The following NTNG1 variants were observed in gnomAD, a reference collection of about 807,000 sequenced individuals.
The protein encoded by NTNG1 is netrin G1, also known as netrin-G1.
NTNG1 carries 16 observed loss-of-function variants against 54.0 expected under a neutral mutation model. The observed-to-expected ratio is 0.30, with a 90% CI of 0.20 to 0.45. The LOEUF is 0.45. NTNG1 is among the 20% of genes least tolerant of loss of function. The probability of loss-of-function intolerance (pLI) is 1.00; values close to 1 mark genes in which losing one functional copy is unlikely to be tolerated. For missense variants in NTNG1, 530 were observed against 678.7 expected (o/e 0.78, Z 2.43); for synonymous variants, 255 against 263.1 (o/e 0.97, Z 0.30).
intron 3 of NTNG1, among the ~76,000 whole-genome samples, chr1:107,329,231 TC>T (rs1188960724): frequency 6.6e-6 from 1 of 152,134 alleles, no homozygotes; most frequent in African/African-American, 2.4e-5. Context: ...CTGCCCCTGC[TC>T]AGAATCACAC....
rs1269979587 is a variant in NTNG1 at position 107,149,747 on chromosome 1, G to T, written c.246+908G>T. 3.9e-5 allele frequency among the ~76,000 whole-genome samples: 6 copies of T among 152,106 alleles called. No individual in the cohort carries two copies. In the East Asian group the frequency reaches 1.2e-3, roughly 29 times the overall value. ...ATACATTAATGTGCTAAAGAGTTCA[G>T]ATGGTGAGTTCATTTGGTTTTTTTT... On this transcript the variant is annotated intron_variant, in intron 2 of 7. Transcript: ENST00000370068.
chr1:107,339,727 C>T (rs1329335172), intron 3 of NTNG1, among the ~76,000 whole-genome samples: 1 of 152,048 alleles, frequency 6.6e-6, no homozygotes, highest in African/African-American at 2.4e-5. Context: ...GAATTCTTAT[C>T]CCAGAACTGT....
At chr1:107,385,732 T>C (rs1053648344) in intron 3 of NTNG1, among the ~76,000 whole-genome samples, 2 of 152,120 alleles carry the variant, frequency 1.3e-5, no homozygotes, top group African/African-American at 4.8e-5. Flanking sequence ...TTAAGGAACT[T>C]GCCTAAAACT....
chr1:107,379,215 C>T (rs1484754996), intron 3 of NTNG1, among the ~76,000 whole-genome samples: 1 of 152,162 alleles, frequency 6.6e-6, no homozygotes, highest in Non-Finnish European at 1.5e-5. Flanking sequence ...AGGGAAACCT[C>T]AAGGTCTGGA....
At chr1:107,144,107 A>C (rs2100997531) in intron 1 of NTNG1, among the ~76,000 whole-genome samples, 2 of 152,248 alleles carry the variant, frequency 1.3e-5, no homozygotes, top group East Asian at 3.9e-4. Flanking sequence ...GTTGACTAGA[A>C]AATGCTTTCT....
intron 2 of NTNG1, among the ~76,000 whole-genome samples, chr1:107,164,996 G>C (rs1373269672): frequency 1.3e-5 from 2 of 152,094 alleles, no homozygotes; most frequent in Non-Finnish European, 2.9e-5. Context: ...ATTTTAAAGA[G>C]AGCAGGGATA....
intron 5 of NTNG1, among the ~76,000 whole-genome samples, chr1:107,425,135 C>T (rs1225751673): frequency 6.6e-6 from 1 of 151,762 alleles, no homozygotes; most frequent in Admixed American, 6.6e-5. Flanking sequence ...TGGAGAAAAA[C>T]TAGCCACATT....
chr1:107,147,175 C>T (rs1654185333), intron 1 of NTNG1, among the ~76,000 whole-genome samples: 1 of 152,042 alleles, frequency 6.6e-6, no homozygotes, highest in African/African-American at 2.4e-5. Context: ...ATCAGTTAAT[C>T]AAAAGTACTT....
intron 2 of NTNG1, among the ~76,000 whole-genome samples, chr1:107,161,666 AAAAAAAAG>A (rs1482786232): frequency 4.0e-5 from 6 of 151,886 alleles, no homozygotes; most frequent in Admixed American, 2.0e-4. Context: ...GTCTCAAAAA[AAAAAAAAG>A]AAAAAAAGAA....
chr1:107,362,028 C>T (rs766737167), intron 3 of NTNG1, among the ~76,000 whole-genome samples: 21 of 152,100 alleles, frequency 1.4e-4, no homozygotes, highest in African/African-American at 3.4e-4. Flanking sequence ...TTGCAGAAAG[C>T]GTGAAGCTCA....
chr1:107,255,992 T>C (rs1662908039), intron 2 of NTNG1, among the ~76,000 whole-genome samples: 2 of 152,232 alleles, frequency 1.3e-5, no homozygotes, highest in South Asian at 4.1e-4. Flanking sequence ...TCATAAGCTA[T>C]TGTCTTAATT....
chr1:107,152,579 A>T (rs1312293638), intron 2 of NTNG1, among the ~76,000 whole-genome samples: 1 of 152,210 alleles, frequency 6.6e-6, no homozygotes, highest in Non-Finnish European at 1.5e-5. Flanking sequence ...AGACGGAAGA[A>T]CTCATGTGTG....
chr1:107,195,889 G>C (rs1658281325), intron 2 of NTNG1, among the ~76,000 whole-genome samples: 1 of 151,958 alleles, frequency 6.6e-6, no homozygotes, highest in East Asian at 1.9e-4. Flanking sequence ...TTCTCACCCT[G>C]TGCCCACACC....
chr1:107,439,999 C>A (rs1294604443), intron 7 of NTNG1, among the ~76,000 whole-genome samples: 3 of 151,852 alleles, frequency 2.0e-5, no homozygotes, highest in African/African-American at 7.3e-5. Context: ...CTGAGTGGAA[C>A]CCATCCTTGG....
intron 5 of NTNG1, among the ~76,000 whole-genome samples, chr1:107,425,499 C>A (rs1260406066): frequency 6.6e-6 from 1 of 152,078 alleles, no homozygotes; most frequent in Non-Finnish European, 1.5e-5. Context: ...CATGTTGCTG[C>A]AAATGACATG....
intron 2 of NTNG1, among the ~76,000 whole-genome samples, chr1:107,156,881 A>G (rs1011253868): frequency 2.0e-5 from 3 of 152,198 alleles, no homozygotes; most frequent in Non-Finnish European, 4.4e-5. Context: ...TATTAAGCGA[A>G]GTCAGGCCAT....
intron 2 of NTNG1, among the ~76,000 whole-genome samples, chr1:107,197,024 A>C (rs935511378): frequency 6.6e-6 from 1 of 152,028 alleles, no homozygotes; most frequent in African/African-American, 2.4e-5. Flanking sequence ...GTTTGAATTC[A>C]TTGTAAACAA....
chr1:107,326,189 A>G (rs533903563), intron 3 of NTNG1, among the ~76,000 whole-genome samples: 5 of 152,068 alleles, frequency 3.3e-5, no homozygotes, highest in African/African-American at 1.2e-4. Context: ...ACTGGTGGCC[A>G]TCTACTCTCA....
intron 3 of NTNG1, among the ~76,000 whole-genome samples, chr1:107,332,767 A>T (rs115115138): frequency 0.016 from 2,396 of 152,126 alleles, 79 homozygotes; most frequent in African/African-American, 0.055. Context: ...TTCTGTTGCA[A>T]TATGGGTCTA....
Sources: gnomAD v4.1 joint callset for allele counts (sites outside exome capture counted in the v4.1 genomes callset) on GRCh38, gnomAD v4.1.1 for gene constraint, MANE v1.5 for transcripts, NCBI Gene and HGNC (gene_info 2026-07-23, HGNC 2026-07-21) for gene names.